TMCC1: variants seen among roughly 807,000 people sequenced by gnomAD.
TMCC1 encodes transmembrane and coiled-coil domains protein 1.
A neutral mutation model predicts 52.4 loss-of-function variants in TMCC1; 15 were observed. The observed-to-expected ratio is 0.29, with a 90% CI of 0.19 to 0.44. The LOEUF (loss-of-function observed/expected upper bound fraction) is 0.44, where lower values mean the gene tolerates loss of function less well. TMCC1 is among the 20% of genes least tolerant of loss of function. The probability of loss-of-function intolerance (pLI) is 1.00; values close to 1 mark genes in which losing one functional copy is unlikely to be tolerated. For missense variants in TMCC1, 503 were observed against 806.0 expected, an observed-to-expected ratio of 0.62 and a Z score of 4.55; for synonymous variants, 279 against 301.9, an observed-to-expected ratio of 0.92 and a Z score of 0.79.
In TMCC1 at chr3:129,868,257, C is replaced by A. The variant is rs114793065; in HGVS notation, c.-184+12052G>T. 6.8e-3 allele frequency among the ~76,000 whole-genome samples: 1,041 copies of A among 152,278 alleles called. 8 individuals are homozygous for A. Among genetic ancestry groups the A allele is most frequent in the South Asian group, 0.023 (109 of 4,822 alleles). On this transcript the variant is annotated intron_variant, in intron 2 of 6. Coordinates refer to ENST00000393238, the MANE Select transcript of TMCC1 (RefSeq NM_001017395.5). ...TAAAGAGATTAAGACCACCAAAAGGCATTTCTACCCAAATTTCATGACCCA... is the reference window on the plus strand; with the variant it reads ...TAAAGAGATTAAGACCACCAAAAGGAATTTCTACCCAAATTTCATGACCCA...
chr3:129,768,585 T>G (rs1300645591), intron 4 of TMCC1, among the ~76,000 whole-genome samples: 2 of 152,214 alleles, frequency 1.3e-5, no homozygotes, highest in African/African-American at 4.8e-5. Context: ...GAATACAGTT[T>G]GAGCACTAAA....
intron 4 of TMCC1, among the ~76,000 whole-genome samples, chr3:129,777,495 G>C (rs974280186): frequency 6.6e-6 from 1 of 152,162 alleles, no homozygotes; most frequent in Non-Finnish European, 1.5e-5. Context: ...AGGCACAAAA[G>C]CATTTAAATG....
intron 2 of TMCC1, among the ~76,000 whole-genome samples, chr3:129,835,031 CT>C (rs2059092791): frequency 6.6e-6 from 1 of 152,062 alleles, no homozygotes; most frequent in African/African-American, 2.4e-5. Context: ...TCCTTTAGAC[CT>C]GCTTAAATAT....
intron 4 of TMCC1, among the ~76,000 whole-genome samples, chr3:129,719,849 C>T (rs1221260619): frequency 1.3e-5 from 2 of 152,036 alleles, no homozygotes; most frequent in African/African-American, 4.8e-5. Flanking sequence ...CTCGTATACC[C>T]TTCCCTTTAT....
intron 5 of TMCC1, among the ~76,000 whole-genome samples, chr3:129,662,880 T>C (rs1279917044): frequency 6.6e-6 from 1 of 152,194 alleles, no homozygotes; most frequent in African/African-American, 2.4e-5. Context: ...AAATATGGCA[T>C]GAGCTTAACT....
chr3:129,735,889 C>T (rs777912424), intron 4 of TMCC1, among the ~76,000 whole-genome samples: 3 of 152,140 alleles, frequency 2.0e-5, no homozygotes, highest in Non-Finnish European at 2.9e-5. Flanking sequence ...GCAGTGATTT[C>T]GTTCAAAGCT....
chr3:129,677,764 C>A (rs2088585496), intron 4 of TMCC1, among the ~76,000 whole-genome samples: 1 of 152,102 alleles, frequency 6.6e-6, no homozygotes, highest in South Asian at 2.1e-4. Context: ...GAATGATATA[C>A]CCCTAATCCC....
At chr3:129,698,972 C>T (rs1298701612) in intron 4 of TMCC1, among the ~76,000 whole-genome samples, 1 of 152,082 alleles carries the variant, frequency 6.6e-6, no homozygotes, top group African/African-American at 2.4e-5. Flanking sequence ...AGGACCCAGA[C>T]TGAGAAAATC....
At chr3:129,834,333 G>C (rs2059057900) in intron 2 of TMCC1, among the ~76,000 whole-genome samples, 1 of 152,174 alleles carries the variant, frequency 6.6e-6, no homozygotes, top group South Asian at 2.1e-4. Context: ...AATGGGTAAG[G>C]CTGGGAAGTT....
At chr3:129,791,186 C>T (rs1170236453) in intron 4 of TMCC1, among the ~76,000 whole-genome samples, 2 of 151,042 alleles carry the variant, frequency 1.3e-5, no homozygotes, top group Non-Finnish European at 2.9e-5. Context: ...CTCCGCCTCC[C>T]AGGTTCATGC....
chr3:129,658,904 A>G (rs1349210213), intron 5 of TMCC1, among the ~76,000 whole-genome samples: 1 of 152,100 alleles, frequency 6.6e-6, no homozygotes, highest in Non-Finnish European at 1.5e-5. Flanking sequence ...GCTATGTCTA[A>G]CAATGAAAAA....
intron 5 of TMCC1, among the ~76,000 whole-genome samples, chr3:129,669,023 T>G (rs370021641): frequency 2.6e-4 from 39 of 152,326 alleles, no homozygotes; most frequent in Middle Eastern, 3.4e-3. Flanking sequence ...TCTCTGGTCT[T>G]CTCCCTTGAA....
chr3:129,797,726 C>G lies in TMCC1; in HGVS notation c.576+30077G>C, dbSNP rs2056929469. Among the ~76,000 whole-genome samples the G allele has an allele frequency of 1.3e-5, 2 of 152,146 alleles. 1 individual carries two copies. Among genetic ancestry groups the G allele is most frequent in the South Asian group, 4.1e-4 (2 of 4,830 alleles). On this transcript the variant is annotated intron_variant, in intron 4 of 6. Coordinates refer to ENST00000393238, the MANE Select transcript of TMCC1 (RefSeq NM_001017395.5). ...TGCCACTGCACTCCAGCCTGGGCGACAGAGAGACCCTGTCTCAAAACAAAA... is the reference window on the plus strand; with the variant it reads ...TGCCACTGCACTCCAGCCTGGGCGAGAGAGAGACCCTGTCTCAAAACAAAA...
intron 4 of TMCC1, among the ~76,000 whole-genome samples, chr3:129,736,353 C>A (rs2107625223): frequency 6.6e-6 from 1 of 152,284 alleles, no homozygotes; most frequent in South Asian, 2.1e-4. Flanking sequence ...ATAGTGAAAA[C>A]TGTGGCAATA....
chr3:129,805,252 T>C (rs1291119033), intron 4 of TMCC1, among the ~76,000 whole-genome samples: 1 of 152,172 alleles, frequency 6.6e-6, no homozygotes, highest in Non-Finnish European at 1.5e-5. Context: ...AGCCTCAACC[T>C]CCTGGGCTCA....
intron 4 of TMCC1, among the ~76,000 whole-genome samples, chr3:129,806,390 G>T (rs757514334): frequency 6.6e-6 from 1 of 152,072 alleles, no homozygotes; most frequent in Non-Finnish European, 1.5e-5. Context: ...CTTCCACCTC[G>T]TCTTATGGAA....
intron 2 of TMCC1, among the ~76,000 whole-genome samples, chr3:129,834,112 T>C (rs2059046416): frequency 6.6e-6 from 1 of 152,100 alleles, no homozygotes; most frequent in Non-Finnish European, 1.5e-5. Flanking sequence ...GGAAGATCAG[T>C]TAGAATTGGA....
At chr3:129,797,064 G>A (rs1391810081) in intron 4 of TMCC1, among the ~76,000 whole-genome samples, 1 of 152,142 alleles carries the variant, frequency 6.6e-6, no homozygotes, top group Non-Finnish European at 1.5e-5. Flanking sequence ...GGTGGCTCAC[G>A]CCTGTAATCC....
intron 1 of TMCC1, among the ~76,000 whole-genome samples, chr3:129,882,559 A>G (rs1031080289): frequency 2.6e-5 from 4 of 152,348 alleles, no homozygotes; most frequent in Admixed American, 2.6e-4. Context: ...AGATATCTGT[A>G]CAGTCATGTT....
Sources: gnomAD v4.1 joint callset for allele counts (sites outside exome capture counted in the v4.1 genomes callset) on GRCh38, gnomAD v4.1.1 for gene constraint, MANE v1.5 for transcripts, NCBI Gene and HGNC (gene_info 2026-07-23, HGNC 2026-07-21) for gene names.